The following RALGPS2 variants were observed in gnomAD, a reference collection of about 807,000 sequenced individuals.
RALGPS2 encodes Ral GEF with PH domain and SH3 binding motif 2.
In RALGPS2, 43 loss-of-function variants were observed where a neutral mutation model predicts 86.8. The ratio of observed to expected loss-of-function variants is 0.50; its 90% confidence interval spans 0.39 to 0.64. The LOEUF (loss-of-function observed/expected upper bound fraction) is 0.64, where lower values mean the gene tolerates loss of function less well. RALGPS2 is among the 30% of genes least tolerant of loss of function. The pLI is 0.00. For missense variants in RALGPS2, 536 were observed against 694.6 expected, an observed-to-expected ratio of 0.77 and a Z score of 2.57; for synonymous variants, 243 against 231.3, an observed-to-expected ratio of 1.05 and a Z score of -0.46.
At chr1:178,913,061 C>G (rs1436626425) in intron 19 of RALGPS2, among the ~76,000 whole-genome samples, 1 of 152,074 alleles carries the variant, frequency 6.6e-6, no homozygotes, top group Non-Finnish European at 1.5e-5. Flanking sequence ...GCAGGCAGAT[C>G]ACTTGAGGTC....
chr1:178,876,044 G>C (rs779281288), intron 8 of RALGPS2, among the ~76,000 whole-genome samples: 10 of 152,148 alleles, frequency 6.6e-5, no homozygotes, highest in Non-Finnish European at 1.2e-4. Flanking sequence ...ATACTGTAAA[G>C]ATTTACTGAG....
intron 1 of RALGPS2, among the ~76,000 whole-genome samples, chr1:178,742,640 A>G (rs937707400): frequency 1.3e-5 from 2 of 152,190 alleles, no homozygotes; most frequent in Non-Finnish European, 1.5e-5. Context: ...CCACCCAACA[A>G]TAACATATTA....
At chr1:178,848,758 G>A (rs1456109735) in intron 8 of RALGPS2, among the ~76,000 whole-genome samples, 2 of 151,988 alleles carry the variant, frequency 1.3e-5, no homozygotes, top group Non-Finnish European at 2.9e-5. Flanking sequence ...TCAGCCTCCC[G>A]AGTAGCTGGG....
intron 2 of RALGPS2, among the ~76,000 whole-genome samples, chr1:178,781,492 A>G (rs12121697): frequency 0.089 from 13,552 of 152,224 alleles, 653 homozygotes; most frequent in African/African-American, 0.13. Context: ...AATTATTGCT[A>G]TTCTCCTGGT....
At chr1:178,903,351 C>T (rs990890826) in intron 18 of RALGPS2, among the ~76,000 whole-genome samples, 1 of 152,014 alleles carries the variant, frequency 6.6e-6, no homozygotes, top group African/African-American at 2.4e-5. Context: ...ACACCCTACT[C>T]AACATTTTTT....
chr1:178,871,955 A>G (rs1000450296), intron 8 of RALGPS2, among the ~76,000 whole-genome samples: 1 of 152,226 alleles, frequency 6.6e-6, no homozygotes, highest in African/African-American at 2.4e-5. Flanking sequence ...TATTTCATTA[A>G]TTGAAGAAAT....
At chr1:178,736,010 A>G (rs1045953364) in intron 1 of RALGPS2, among the ~76,000 whole-genome samples, 1 of 151,482 alleles carries the variant, frequency 6.6e-6, no homozygotes, top group Non-Finnish European at 1.5e-5. Context: ...GAATTCCTAA[A>G]AAGGGAGTTA....
chr1:178,912,098 C>T (rs1306228697), intron 19 of RALGPS2, among the ~76,000 whole-genome samples: 1 of 152,116 alleles, frequency 6.6e-6, no homozygotes. Flanking sequence ...TATGTTGTTA[C>T]ATGTGAGATG....
chr1:178,865,150 G>A (rs753679400), intron 8 of RALGPS2: 16 of 1,603,004 alleles, frequency 1.0e-5, no homozygotes, highest in East Asian at 6.7e-5. Context: ...GAGACACATG[G>A]GTGTCTTGTC....
rs1211256806 is a variant in RALGPS2 at position 178,919,680 on chromosome 1, T to C, written c.*3321T>C. The C allele has an allele frequency of 6.6e-6, 1 of 152,004 alleles. No individual in the cohort carries two copies. Among genetic ancestry groups the C allele is most frequent in the Non-Finnish European group, 1.5e-5 (1 of 67,900 alleles). 9.4% of individuals were successfully genotyped at this position (152,004 alleles called of 1,614,324 possible). On this transcript the variant is annotated 3_prime_UTR_variant, in exon 20 of 20. Coordinates refer to ENST00000367635, the MANE Select transcript of RALGPS2 (RefSeq NM_152663.5). ...CTACTGAAAACAAAACTATAGGGCA[T>C]CATACTAATTGAAAATCAATAGTAA...
intron 6 of RALGPS2, among the ~76,000 whole-genome samples, chr1:178,818,358 T>A (rs1157343332): frequency 2.0e-5 from 3 of 152,052 alleles, no homozygotes; most frequent in Non-Finnish European, 2.9e-5. Flanking sequence ...AGACCACGTC[T>A]CAAAAAAGAA....
intron 14 of RALGPS2, 93 bp downstream of exon 14, chr1:178,889,789 A>T (rs1659644959): frequency 1.2e-6 from 1 of 849,936 alleles, no homozygotes; most frequent in Non-Finnish European, 1.9e-6. Context: ...TTTACTACAT[A>T]TCCCTAAGCG....
intron 1 of RALGPS2, among the ~76,000 whole-genome samples, chr1:178,772,257 A>G (rs897653500): frequency 3.3e-5 from 5 of 152,222 alleles, no homozygotes; most frequent in African/African-American, 1.2e-4. Flanking sequence ...TATTGCAAAT[A>G]TAGGCTATAA....
Position 178,892,789 on chromosome 1 carries a change from T to C in RALGPS2, c.1325+482T>C, listed in dbSNP as rs183983657. On this transcript the variant is annotated intron_variant, in intron 15 of 19. Coordinates refer to ENST00000367635, the MANE Select transcript of RALGPS2 (RefSeq NM_152663.5). ...TTTAAATTCATATTCATTCAGTTGT[T>C]TGTCTGGTTAAACCAGGTCTCTTTT... Among the ~76,000 whole-genome samples, 24 of 152,308 alleles carry C rather than the reference T, an allele frequency of 1.6e-4. No homozygotes were observed. The East Asian group carries it at 4.4e-3, about 28-fold the overall frequency.
chr1:178,744,216 T>C (rs923910810), intron 1 of RALGPS2, among the ~76,000 whole-genome samples: 3 of 151,698 alleles, frequency 2.0e-5, no homozygotes, highest in Non-Finnish European at 4.4e-5. Context: ...AAGCAATCGT[T>C]GTAATTCACT....
intron 1 of RALGPS2, among the ~76,000 whole-genome samples, chr1:178,737,171 T>C (rs1261032887): frequency 6.6e-6 from 1 of 152,226 alleles, no homozygotes; most frequent in African/African-American, 2.4e-5. Context: ...TTAAGAGGCA[T>C]CTTAATTTCA....
At chr1:178,783,978 T>G (rs1653520954) in intron 2 of RALGPS2, among the ~76,000 whole-genome samples, 1 of 152,160 alleles carries the variant, frequency 6.6e-6, no homozygotes, top group South Asian at 2.1e-4. Flanking sequence ...TATGTAACTC[T>G]TTAATTAACA....
chr1:178,812,934 T>C (rs1655053971), intron 6 of RALGPS2, among the ~76,000 whole-genome samples: 1 of 149,134 alleles, frequency 6.7e-6, no homozygotes, highest in Admixed American at 6.7e-5. Flanking sequence ...AATACTTTTT[T>C]TTTTTTTTTT....
intron 1 of RALGPS2, among the ~76,000 whole-genome samples, chr1:178,758,818 C>A (rs1652086414): frequency 6.6e-6 from 1 of 152,076 alleles, no homozygotes; most frequent in South Asian, 2.1e-4. Flanking sequence ...TGGACACTTA[C>A]AGTGATGTTG....
Sources: gnomAD v4.1 joint callset for allele counts (sites outside exome capture counted in the v4.1 genomes callset) on GRCh38, gnomAD v4.1.1 for gene constraint, MANE v1.5 for transcripts, NCBI Gene and HGNC (gene_info 2026-07-23, HGNC 2026-07-21) for gene names.